The following NBAS variants were observed in gnomAD, a reference collection of about 807,000 sequenced individuals.
NBAS encodes the protein NBAS subunit of NRZ tethering complex.
Under a neutral mutation model 302.5 loss-of-function variants are expected in NBAS, and 219 were observed. The observed-to-expected ratio is 0.72, with a 90% CI of 0.65 to 0.81. NBAS has a LOEUF of 0.81. NBAS is among the 30% of genes least tolerant of loss of function. The pLI, the probability that NBAS is intolerant of heterozygous loss-of-function variation, is 0.00. For missense variants in NBAS, 2,932 were observed against 2,841.6 expected (o/e 1.03, Z -0.72); for synonymous variants, 1,118 against 1,021.6 (o/e 1.09, Z -1.80).
At chr2:15,474,419 G>T in intron 14 of NBAS, 95 bp from the exon 15 acceptor site, 1 of 1,273,554 alleles carries the variant, frequency 7.9e-7, no homozygotes, top group Non-Finnish European at 1.1e-6. Context: ...ATCTACTCTG[G>T]TTTGATTCAT....
chr2:15,028,383 CT>C, the NBAS span, among the ~76,000 whole-genome samples: 3 of 152,164 alleles, frequency 2.0e-5, no homozygotes, highest in Admixed American at 6.5e-5. Context: ...AATTGGAGAA[CT>C]ATTATCTAAT....
chr2:15,246,046 A>G (rs1346443219), intron 44 of NBAS, among the ~76,000 whole-genome samples: 1 of 152,204 alleles, frequency 6.6e-6, no homozygotes, highest in African/African-American at 2.4e-5. Flanking sequence ...TGTGGCCTGG[A>G]ATGCCAGGCT....
At chr2:14,793,244 C>T in the NBAS span, among the ~76,000 whole-genome samples, 1 of 152,086 alleles carries the variant, frequency 6.6e-6, no homozygotes, top group South Asian at 2.1e-4. Context: ...TTAAACCACC[C>T]AGTCTATGGT....
chr2:15,058,214 T>C, the NBAS span, among the ~76,000 whole-genome samples: 1 of 152,106 alleles, frequency 6.6e-6, no homozygotes, highest in Non-Finnish European at 1.5e-5. Flanking sequence ...TGGGAAGAAA[T>C]TTCGCCCCCT....
chr2:15,080,034 G>A, the NBAS span, among the ~76,000 whole-genome samples: 1 of 152,212 alleles, frequency 6.6e-6, no homozygotes, highest in South Asian at 2.1e-4. Flanking sequence ...GACCTTATAG[G>A]TTCAAAAATA....
At chr2:14,943,932 G>A in the NBAS span, among the ~76,000 whole-genome samples, 3 of 152,068 alleles carry the variant, frequency 2.0e-5, no homozygotes, top group Non-Finnish European at 2.9e-5. Context: ...AACCACATTG[G>A]TCCACAAAGT....
chr2:15,249,663 C>T (rs942696755), intron 44 of NBAS, among the ~76,000 whole-genome samples: 1 of 152,134 alleles, frequency 6.6e-6, no homozygotes, highest in African/African-American at 2.4e-5. Flanking sequence ...TTTCTATACA[C>T]CAATAATGAA....
At chr2:15,466,175 G>T (rs536112034) in intron 19 of NBAS, among the ~76,000 whole-genome samples, 35 of 152,114 alleles carry the variant, frequency 2.3e-4, no homozygotes, top group African/African-American at 8.0e-4. Context: ...TAGCAGGGTG[G>T]GGGAATCGAA....
intron 25 of NBAS, among the ~76,000 whole-genome samples, chr2:15,404,623 C>T (rs1223946775): frequency 6.6e-6 from 1 of 151,982 alleles, no homozygotes. Flanking sequence ...AGCGATTCTC[C>T]TGCCTCGGCG....
the NBAS span, among the ~76,000 whole-genome samples, chr2:14,792,110 T>C: frequency 6.6e-6 from 1 of 152,008 alleles, no homozygotes. Context: ...AGGAACCAGG[T>C]GAGCCTCAGC....
chr2:15,087,952 G>A, the NBAS span, among the ~76,000 whole-genome samples: 1 of 152,228 alleles, frequency 6.6e-6, no homozygotes, highest in East Asian at 1.9e-4. Context: ...CGCGGAGAGT[G>A]AAAATCGTTA....
At chr2:14,830,271 G>A in the NBAS span, among the ~76,000 whole-genome samples, 1 of 152,170 alleles carries the variant, frequency 6.6e-6, no homozygotes, top group Non-Finnish European at 1.5e-5. Context: ...CTAGCAGCAG[G>A]CGGGTCTCAC....
chr2:14,917,022 G>A, the NBAS span, among the ~76,000 whole-genome samples: 1 of 152,212 alleles, frequency 6.6e-6, no homozygotes, highest in Non-Finnish European at 1.5e-5. Flanking sequence ...CCAAGGGTGA[G>A]AAGGCCCATG....
intron 8 of NBAS, among the ~76,000 whole-genome samples, chr2:15,535,231 G>A (rs1663428286): frequency 6.6e-6 from 1 of 152,154 alleles, no homozygotes. Flanking sequence ...GATATAAAAT[G>A]GCATAGTAGG....
the NBAS span, among the ~76,000 whole-genome samples, chr2:15,000,953 C>A: frequency 6.6e-6 from 1 of 152,218 alleles, no homozygotes; most frequent in East Asian, 1.9e-4. Flanking sequence ...AGAGGGTGAA[C>A]GACACACCAC....
In NBAS at chr2:15,467,771, A is replaced by C. The variant is rs762510455; in HGVS notation, c.1911T>G (p.Ser637Arg). 6.3e-7 allele frequency: 1 copy of C among 1,594,404 alleles called. No homozygotes were observed. Among genetic ancestry groups the C allele is most frequent in the Admixed American group, 1.7e-5 (1 of 59,866 alleles). Residue 637 changes from serine to arginine, a missense_variant, in exon 18 of 52, where the codon AGT (serine) becomes AGG (arginine). Transcript: ENST00000281513. ...GTGGTGAAAGCTCTTCATAGGAGAT[A>C]CTGTCAATGTCTATTTCACCAGGTA... The part of the protein sequence containing the change: ...FTLPGEIDID[S>R]ISYEELSPPD...
chr2:14,840,022 A>T, the NBAS span, among the ~76,000 whole-genome samples: 1 of 152,088 alleles, frequency 6.6e-6, no homozygotes, highest in African/African-American at 2.4e-5. Flanking sequence ...AAACTCAGTG[A>T]TCACCAAGAT....
chr2:15,124,499 A>T, the NBAS span, among the ~76,000 whole-genome samples: 57 of 152,366 alleles, frequency 3.7e-4, no homozygotes, highest in Admixed American at 2.0e-3. Flanking sequence ...AGCATGACTC[A>T]AAGGGAGCCA....
At chr2:15,187,914 G>T (rs1276842847) in intron 49 of NBAS, among the ~76,000 whole-genome samples, 1 of 152,200 alleles carries the variant, frequency 6.6e-6, no homozygotes, top group Non-Finnish European at 1.5e-5. Context: ...TGCGAACAAA[G>T]AACACTGCTT....
Sources: gnomAD v4.1 joint callset for allele counts (sites outside exome capture counted in the v4.1 genomes callset) on GRCh38, gnomAD v4.1.1 for gene constraint, MANE v1.5 for transcripts, NCBI Gene and HGNC (gene_info 2026-07-23, HGNC 2026-07-21) for gene names.